TTC28: variants seen among roughly 807,000 people sequenced by gnomAD.
The protein encoded by TTC28 is tetratricopeptide repeat domain 28.
TTC28 carries 61 observed loss-of-function variants against 198.0 expected under a neutral mutation model. That is an observed-to-expected ratio of 0.31 (90% CI 0.25 to 0.38). The LOEUF is 0.38. Ranked by LOEUF, TTC28 falls within the 10% of genes least tolerant of loss-of-function variation. TTC28 has a pLI of 1.00. For missense variants in TTC28, 2,678 were observed against 3,164.0 expected, an observed-to-expected ratio of 0.85 and a Z score of 3.69; for synonymous variants, 1,171 against 1,297.8, an observed-to-expected ratio of 0.90 and a Z score of 2.10.
chr22:28,432,313 A>C (rs2047445187), intron 2 of TTC28, among the ~76,000 whole-genome samples: 2 of 151,504 alleles, frequency 1.3e-5, no homozygotes, highest in East Asian at 3.9e-4. Context: ...AAATAAAATA[A>C]AAATAAAAAT....
intron 12 of TTC28, among the ~76,000 whole-genome samples, chr22:28,035,360 G>A (rs574941741): frequency 6.6e-6 from 1 of 152,296 alleles, no homozygotes; most frequent in African/African-American, 2.4e-5. Flanking sequence ...ACAGATCAAA[G>A]GCAGCAAAAC....
intron 6 of TTC28, among the ~76,000 whole-genome samples, chr22:28,128,574 G>A (rs558680772): frequency 2.6e-5 from 4 of 152,016 alleles, no homozygotes; most frequent in Non-Finnish European, 5.9e-5. Flanking sequence ...GTTTTGTTCT[G>A]TCACCCAGGC....
intron 2 of TTC28, among the ~76,000 whole-genome samples, chr22:28,401,053 T>C (rs1397368836): frequency 1.3e-5 from 2 of 151,896 alleles, no homozygotes. Flanking sequence ...ATAGGAGTAG[T>C]AAAGGCCAGA....
intron 2 of TTC28, among the ~76,000 whole-genome samples, chr22:28,424,418 T>C (rs2047313663): frequency 6.6e-6 from 1 of 152,220 alleles, no homozygotes; most frequent in Non-Finnish European, 1.5e-5. Context: ...CTCAAGATTT[T>C]TACTACATAC....
intron 2 of TTC28, among the ~76,000 whole-genome samples, chr22:28,401,030 G>A (rs577962175): frequency 7.2e-5 from 11 of 152,114 alleles, no homozygotes; most frequent in Non-Finnish European, 1.5e-4. Context: ...TCATATTTGA[G>A]TTGAGAAAGA....
At chr22:28,167,927 A>T (rs1378717826) in intron 5 of TTC28, among the ~76,000 whole-genome samples, 3 of 152,218 alleles carry the variant, frequency 2.0e-5, no homozygotes, top group African/African-American at 7.2e-5. Flanking sequence ...AAACCCCATC[A>T]TCTCAGCCTC....
At chr22:28,147,612 C>CT (rs1943499275) in intron 6 of TTC28, among the ~76,000 whole-genome samples, 1 of 152,202 alleles carries the variant, frequency 6.6e-6, no homozygotes, top group African/African-American at 2.4e-5. Context: ...CACCCCAGCT[C>CT]TGCCACACAC....
chr22:28,595,310 A>G lies in TTC28; in HGVS notation c.381+34242T>C, dbSNP rs1181188859. Reference sequence around the variant, plus strand: ...GGTTAAGTAAAGTATTAGAAAGTCAAGAATTGGTCAGTAACTAATCAGCAA... The same window carrying G: ...GGTTAAGTAAAGTATTAGAAAGTCAGGAATTGGTCAGTAACTAATCAGCAA... On this transcript the variant is annotated intron_variant, in intron 2 of 22. Coordinates refer to ENST00000397906, the MANE Select transcript of TTC28 (RefSeq NM_001145418.2). 2.0e-5 allele frequency among the ~76,000 whole-genome samples: 3 copies of G among 152,338 alleles called. No homozygotes were observed. In the South Asian group the frequency reaches 6.2e-4, roughly 32 times the overall value.
intron 2 of TTC28, among the ~76,000 whole-genome samples, chr22:28,598,472 G>GCA (rs905493935): frequency 8.8e-5 from 11 of 124,586 alleles, no homozygotes; most frequent in Non-Finnish European, 1.6e-4. Flanking sequence ...TCGCGCCACT[G>GCA]CACTCCAGCC....
At chr22:28,376,196 T>C (rs182409455) in intron 2 of TTC28, among the ~76,000 whole-genome samples, 174 of 152,322 alleles carry the variant, frequency 1.1e-3, no homozygotes, top group African/African-American at 3.9e-3. Flanking sequence ...AGAACCCTAA[T>C]ATAAATCAGA....
intron 2 of TTC28, among the ~76,000 whole-genome samples, chr22:28,611,262 G>A (rs1008942951): frequency 2.0e-5 from 3 of 152,048 alleles, no homozygotes; most frequent in Admixed American, 6.6e-5. Flanking sequence ...ACACATAATC[G>A]TCAGATTTAC....
chr22:28,636,739 G>C (rs1044447205), intron 1 of TTC28, among the ~76,000 whole-genome samples: 6 of 152,024 alleles, frequency 3.9e-5, no homozygotes, highest in Admixed American at 3.3e-4. Flanking sequence ...ATTTGCTATA[G>C]AGTTGTATGA....
At chr22:28,092,793 C>A (rs1400595188) in intron 12 of TTC28, among the ~76,000 whole-genome samples, 1 of 152,164 alleles carries the variant, frequency 6.6e-6, no homozygotes, top group Non-Finnish European at 1.5e-5. Context: ...CCTGTAATTG[C>A]CAAACTGTTG....
At chr22:28,289,487 T>C (rs959963446) in intron 5 of TTC28, among the ~76,000 whole-genome samples, 6 of 152,090 alleles carry the variant, frequency 3.9e-5, no homozygotes, top group African/African-American at 1.4e-4. Context: ...AATAAAAAAA[T>C]CCTGTGGAGA....
At chr22:28,105,230 A>G in intron 8 of TTC28, 49 bp downstream of exon 8, 1 of 1,521,788 alleles carries the variant, frequency 6.6e-7, no homozygotes, top group South Asian at 1.3e-5. Context: ...TCTGACTCTG[A>G]ACTTGATTTC....
intron 5 of TTC28, among the ~76,000 whole-genome samples, chr22:28,258,657 A>G (rs1273299662): frequency 1.3e-5 from 2 of 152,134 alleles, no homozygotes; most frequent in African/African-American, 4.8e-5. Context: ...AAAATGAGTA[A>G]CACTTTACAG....
At chr22:28,415,598 T>C (rs2146148902) in intron 2 of TTC28, among the ~76,000 whole-genome samples, 1 of 152,366 alleles carries the variant, frequency 6.6e-6, no homozygotes, top group South Asian at 2.1e-4. Flanking sequence ...ATATTATCCC[T>C]TGAGATGTAC....
intron 5 of TTC28, among the ~76,000 whole-genome samples, chr22:28,224,454 T>C (rs1402714179): frequency 1.3e-5 from 2 of 152,052 alleles, no homozygotes; most frequent in Admixed American, 6.6e-5. Context: ...CCTTCATGGC[T>C]CTTAATACCT....
At chr22:28,506,544 G>A (rs1432021631) in intron 2 of TTC28, among the ~76,000 whole-genome samples, 1 of 152,194 alleles carries the variant, frequency 6.6e-6, no homozygotes, top group East Asian at 1.9e-4. Context: ...CAGCACACCT[G>A]CTCTACCAAA....
Sources: allele counts gnomAD v4.1 joint callset (sites outside exome capture counted in the v4.1 genomes callset), GRCh38; gene constraint gnomAD v4.1.1; transcripts MANE v1.5; gene names NCBI Gene and HGNC (gene_info 2026-07-23, HGNC 2026-07-21).